The following TGFBI variants were observed in gnomAD, a reference collection of about 807,000 sequenced individuals.
TGFBI encodes transforming growth factor beta induced, also known as transforming growth factor-beta-induced protein ig-h3.
TGFBI carries 50 observed loss-of-function variants against 73.7 expected under a neutral mutation model. That is an observed-to-expected ratio of 0.68 (90% confidence interval 0.54 to 0.86). TGFBI has a LOEUF of 0.86. TGFBI is among the 40% of genes least tolerant of loss of function. The pLI is 0.00. For missense variants in TGFBI, 839 were observed against 877.0 expected (o/e 0.96, Z 0.55); for synonymous variants, 362 against 360.5 (o/e 1.00, Z -0.05).
intron 8 of TGFBI, among the ~76,000 whole-genome samples, 177 bp from the exon 9 acceptor site, chr5:136,053,765 GA>G (rs775927605): frequency 6.6e-6 from 1 of 152,182 alleles, no homozygotes; most frequent in Non-Finnish European, 1.5e-5. Flanking sequence ...TGACTGGTTA[GA>G]TTTTCTAGGT....
At chr5:136,037,284 A>C (rs1751243823) in intron 2 of TGFBI, among the ~76,000 whole-genome samples, 1 of 152,206 alleles carries the variant, frequency 6.6e-6, no homozygotes. Flanking sequence ...CCTAAATAGC[A>C]CCGGAGTGAT....
chr5:136,032,596 C>G (rs757446837), intron 1 of TGFBI, among the ~76,000 whole-genome samples: 3 of 152,208 alleles, frequency 2.0e-5, no homozygotes, highest in African/African-American at 7.2e-5. Context: ...ATACTTCATC[C>G]TTTGGGTGAT....
chr5:136,060,717 A>G (rs1275926917), intron 13 of TGFBI, 117 bp from the exon 14 acceptor site: 3 of 749,634 alleles, frequency 4.0e-6, no homozygotes, highest in Non-Finnish European at 6.2e-6. Flanking sequence ...TCTCAAAAAC[A>G]AAGAACAAGG....
At chr5:136,031,846 T>C (rs1419514387) in intron 1 of TGFBI, among the ~76,000 whole-genome samples, 1 of 152,106 alleles carries the variant, frequency 6.6e-6, no homozygotes, top group Admixed American at 6.6e-5. Context: ...CACTCCCCGA[T>C]GTGAGAAGGA....
intron 15 of TGFBI, 23 bp from the exon 16 acceptor site, chr5:136,062,640 T>A (rs371189970): frequency 6.4e-7 from 1 of 1,558,424 alleles, no homozygotes; most frequent in Middle Eastern, 1.7e-4. Context: ...CTAGAAAACC[T>A]GACACCTTGT....
In TGFBI at chr5:136,062,601, G is replaced by T. The variant is rs375220139; in HGVS notation, c.1987-62G>T. The T allele has an allele frequency of 9.8e-6, 15 of 1,528,968 alleles. No homozygotes were observed. The African/African-American group carries it at 2.1e-4, about 21-fold the overall frequency. The allele number at this position is 1,528,968 out of a possible 1,614,324, so 94.7% of individuals were successfully genotyped here. On this transcript the variant is annotated intron_variant, in intron 15 of 16. Transcript: ENST00000442011. ...AGGGGTGGCAATGGGCAAAGCCATT[G>T]TCATAAGCAGTTGCAGGTATAACTT...
intron 7 of TGFBI, among the ~76,000 whole-genome samples, chr5:136,051,672 G>A (rs1446822972): frequency 3.3e-5 from 5 of 152,180 alleles, no homozygotes; most frequent in African/African-American, 1.2e-4. Context: ...CAGGCGAGAA[G>A]CAGCCAGGGC....
intron 15 of TGFBI, 158 bp downstream of exon 15, chr5:136,061,737 G>T: frequency 2.8e-6 from 2 of 701,776 alleles, no homozygotes; most frequent in Non-Finnish European, 5.1e-6. Context: ...GCCCCAGCCT[G>T]TGTCAAATTC....
chr5:136,029,150 T>G lies in TGFBI; in HGVS notation c.95T>G (p.Leu32Arg). The change falls in exon 1 of 17, where the codon CTG (leucine) becomes CGG (arginine). Residue 32 changes from leucine to arginine, a missense_variant. Transcript: ENST00000442011. ...LAGPAKSPYQ[L>R]VLQHSRLRGR... ...GGTCCCGCCAAGTCGCCCTACCAGC[T>G]GGTGCTGCAGCACAGCAGGCTCCGG... The G allele has an allele frequency of 6.6e-7, 1 of 1,524,148 alleles. No homozygotes were observed. The highest frequency in any genetic ancestry group is 8.8e-7 in the Non-Finnish European group (1 of 1,142,586). 94.4% of individuals were successfully genotyped at this position (1,524,148 alleles called of 1,614,324 possible). A position where few individuals can be genotyped will look rare whatever the true frequency, so the allele number is the denominator to read the frequency against.
Position 136,059,173 on chromosome 5 carries a change from C to T in TGFBI, c.1762C>T (p.Arg588Trp), listed in dbSNP as rs563306013. The T allele has an allele frequency of 1.5e-5, 24 of 1,610,114 alleles. No individual in the cohort carries two copies. Among genetic ancestry groups the T allele is most frequent in the African/African-American group, 5.3e-5 (4 of 74,818 alleles). Residue 588 changes from arginine (R) to tryptophan (W), a missense_variant, in exon 13 of 17, where the codon CGG (arginine) becomes TGG (tryptophan). Coordinates refer to ENST00000442011, the MANE Select transcript of TGFBI (RefSeq NM_000358.3). Reference protein sequence around the residue: ...LVSGGIGALVRLKSLQGDKLE... With the variant: ...LVSGGIGALVWLKSLQGDKLE... ...TAGCGGAGGCATCGGGGCCCTGGTGCGGCTAAAGTCTCTCCAAGGTGACAA... is the reference window on the plus strand; with the variant it reads ...TAGCGGAGGCATCGGGGCCCTGGTGTGGCTAAAGTCTCTCCAAGGTGACAA...
intron 2 of TGFBI, among the ~76,000 whole-genome samples, chr5:136,035,624 C>CAA (rs1191524920): frequency 7.4e-4 from 53 of 71,770 alleles, no homozygotes; most frequent in African/African-American, 1.0e-3. Context: ...GACACCGTCT[C>CAA]AAAAAAAAAA....
chr5:136,047,255 T>C lies in TGFBI; in HGVS notation c.625-19T>C. On this transcript the variant is annotated intron_variant, in intron 5 of 16. Transcript: ENST00000442011. ...CCTCTGTTGTGTTGACTGCTCATCC[T>C]TGCTGCTTCTCTGGGCAGATTGTAA... The C allele has an allele frequency of 6.2e-7, 1 of 1,613,074 alleles. No homozygotes were observed. Among genetic ancestry groups the C allele is most frequent in the Non-Finnish European group, 8.5e-7 (1 of 1,179,312 alleles).
chr5:136,040,993 C>A (rs1454068480), intron 2 of TGFBI, among the ~76,000 whole-genome samples: 1 of 152,208 alleles, frequency 6.6e-6, no homozygotes, highest in African/African-American at 2.4e-5. Context: ...AAATTTTGGT[C>A]AAAGTTGCCT....
intron 2 of TGFBI, among the ~76,000 whole-genome samples, chr5:136,040,082 G>A (rs146953924): frequency 8.7e-4 from 132 of 152,330 alleles, no homozygotes; most frequent in Non-Finnish European, 7.8e-4. Flanking sequence ...GGCCAAATCC[G>A]TGAAGTGCAG....
intron 16 of TGFBI, 54 bp from the exon 17 acceptor site, chr5:136,063,132 G>A: frequency 6.5e-7 from 1 of 1,547,004 alleles, no homozygotes; most frequent in Non-Finnish European, 8.9e-7. Context: ...CAGTGTCCTA[G>A]ACAGACATGG....
chr5:136,029,816 G>A (rs1329112585), intron 1 of TGFBI, among the ~76,000 whole-genome samples: 1 of 152,220 alleles, frequency 6.6e-6, no homozygotes, highest in Non-Finnish European at 1.5e-5. Context: ...TTCAAATGGG[G>A]AAACTGAGTC....
chr5:136,060,079 G>A (rs770510941), intron 13 of TGFBI, among the ~76,000 whole-genome samples: 1 of 152,046 alleles, frequency 6.6e-6, no homozygotes, highest in Non-Finnish European at 1.5e-5. Flanking sequence ...CTTAAGTGAG[G>A]CACCCAGGCA....
chr5:136,055,666 C>T lies in TGFBI; in HGVS notation c.1411-14C>T. ...ATAACCAGTCCTTTCTTTCTCTGTC[C>T]CTCTTCTGTGCAGAGCCTCTGCATT... On this transcript the variant is annotated splice_polypyrimidine_tract_variant and intron_variant, in intron 10 of 16. Coordinates refer to ENST00000442011, the MANE Select transcript of TGFBI (RefSeq NM_000358.3). 3 of 1,575,324 alleles carry T rather than the reference C, an allele frequency of 1.9e-6. No individual in the cohort carries two copies. Among genetic ancestry groups the T allele is most frequent in the Non-Finnish European group, 2.6e-6 (3 of 1,152,672 alleles).
intron 3 of TGFBI, among the ~76,000 whole-genome samples, chr5:136,045,029 T>A (rs1695230743): frequency 1.3e-5 from 2 of 152,346 alleles, no homozygotes; most frequent in South Asian, 4.1e-4. Flanking sequence ...AAAAAATATT[T>A]TTGGTCCATG....
Sources: allele counts gnomAD v4.1 joint callset (sites outside exome capture counted in the v4.1 genomes callset), GRCh38; gene constraint gnomAD v4.1.1; transcripts MANE v1.5; gene names NCBI Gene and HGNC (gene_info 2026-07-23, HGNC 2026-07-21).